PPARGC1A: variants seen among roughly 807,000 people sequenced by gnomAD.
The protein encoded by PPARGC1A is PPARG coactivator 1 alpha.
In PPARGC1A, 25 loss-of-function variants were observed where a neutral mutation model predicts 88.7. That is an observed-to-expected ratio of 0.28 (90% CI 0.21 to 0.39). The LOEUF (loss-of-function observed/expected upper bound fraction) is 0.39. Among genes scored for constraint, PPARGC1A ranks in the 10% least tolerant of loss-of-function variants. The pLI is 1.00. For missense variants in PPARGC1A, 880 were observed against 968.7 expected (o/e 0.91, Z 1.22); for synonymous variants, 363 against 355.6 (o/e 1.02, Z -0.24).
chr4:24,221,936 C>G, the PPARGC1A span, among the ~76,000 whole-genome samples: 1 of 152,118 alleles, frequency 6.6e-6, no homozygotes, highest in Non-Finnish European at 1.5e-5. Flanking sequence ...AGAAACATCC[C>G]AGATACTGCA....
At chr4:24,293,544 C>T in the PPARGC1A span, among the ~76,000 whole-genome samples, 3 of 75,688 alleles carry the variant, frequency 4.0e-5, no homozygotes, top group South Asian at 1.9e-3. Flanking sequence ...TGCCTGTGCT[C>T]CTCCTACCCC....
chr4:23,978,514 A>G, the PPARGC1A span, among the ~76,000 whole-genome samples: 3 of 152,172 alleles, frequency 2.0e-5, no homozygotes. Context: ...TCTTGCCCAC[A>G]TCATCTATGG....
the PPARGC1A span, among the ~76,000 whole-genome samples, chr4:24,140,046 TCAG>T: frequency 6.6e-6 from 1 of 152,122 alleles, no homozygotes; most frequent in African/African-American, 2.4e-5. Flanking sequence ...ATGCCCACCA[TCAG>T]CCCTACCATT....
chr4:24,448,014 C>T, the PPARGC1A span, among the ~76,000 whole-genome samples: 1 of 152,208 alleles, frequency 6.6e-6, no homozygotes, highest in Non-Finnish European at 1.5e-5. Flanking sequence ...GCAGTGCACC[C>T]TTCTCATCTA....
chr4:23,967,812 G>A, the PPARGC1A span, among the ~76,000 whole-genome samples: 1 of 152,144 alleles, frequency 6.6e-6, no homozygotes, highest in Non-Finnish European at 1.5e-5. Flanking sequence ...CCTGCTGAAG[G>A]TTATCGACAC....
intron 10 of PPARGC1A, among the ~76,000 whole-genome samples, chr4:23,807,739 GTGTGTGTGTGTGTGTA>G (rs1720078215): frequency 6.6e-6 from 1 of 150,632 alleles, no homozygotes; most frequent in African/African-American, 2.5e-5. Context: ...TTTCTTTTGT[GTGTGTGTGTGTGTGTA>G]TGTGTGTGTG....
chr4:24,072,267 GTTAT>G, the PPARGC1A span, among the ~76,000 whole-genome samples: 2 of 150,884 alleles, frequency 1.3e-5, no homozygotes, highest in African/African-American at 2.4e-5. Context: ...CCATTTAAAT[GTTAT>G]TTAATTAAAG....
At chr4:24,388,824 TG>T in the PPARGC1A span, among the ~76,000 whole-genome samples, 1 of 138,558 alleles carries the variant, frequency 7.2e-6, no homozygotes, top group Non-Finnish European at 1.6e-5. Context: ...TGTTGGAGGG[TG>T]GGGGGCTAGG....
chr4:23,912,902 C>A, the PPARGC1A span, among the ~76,000 whole-genome samples: 2 of 151,522 alleles, frequency 1.3e-5, no homozygotes, highest in South Asian at 4.2e-4. Flanking sequence ...CATTCTCCTG[C>A]CTCAGCCTCC....
chr4:24,254,561 A>G, the PPARGC1A span, among the ~76,000 whole-genome samples: 1 of 152,196 alleles, frequency 6.6e-6, no homozygotes, highest in Non-Finnish European at 1.5e-5. Context: ...TTTGGGGGAC[A>G]TCCTGCTTAA....
the PPARGC1A span, among the ~76,000 whole-genome samples, chr4:24,380,469 G>C: frequency 5.9e-5 from 9 of 152,222 alleles, no homozygotes; most frequent in African/African-American, 1.9e-4. Flanking sequence ...CTGTAGGAAA[G>C]AGTCCAGCCT....
At chr4:24,451,393 C>T in the PPARGC1A span, among the ~76,000 whole-genome samples, 1 of 152,178 alleles carries the variant, frequency 6.6e-6, no homozygotes, top group East Asian at 1.9e-4. Flanking sequence ...ACAAGCACGA[C>T]CCTAATGGCA....
At chr4:23,929,218 A>T in the PPARGC1A span, among the ~76,000 whole-genome samples, 3 of 152,348 alleles carry the variant, frequency 2.0e-5, no homozygotes, top group East Asian at 3.9e-4. Flanking sequence ...AGGTCAACCC[A>T]GGGAGGTACA....
chr4:23,878,681 G>A (rs933164805), intron 2 of PPARGC1A, among the ~76,000 whole-genome samples: 3 of 151,712 alleles, frequency 2.0e-5, no homozygotes, highest in Admixed American at 6.6e-5. Flanking sequence ...ACACACAAAC[G>A]AACAACACTA....
chr4:24,034,701 A>G, the PPARGC1A span, among the ~76,000 whole-genome samples: 1 of 152,190 alleles, frequency 6.6e-6, no homozygotes, highest in African/African-American at 2.4e-5. Context: ...CTCCATTTTT[A>G]CATGCTAGAT....
At chr4:23,954,719 G>A in the PPARGC1A span, among the ~76,000 whole-genome samples, 1 of 151,848 alleles carries the variant, frequency 6.6e-6, no homozygotes, top group African/African-American at 2.4e-5. Context: ...TTTCATATTC[G>A]GGGCAATATT....
the PPARGC1A span, among the ~76,000 whole-genome samples, chr4:24,244,482 G>T: frequency 6.6e-6 from 1 of 152,138 alleles, no homozygotes; most frequent in East Asian, 1.9e-4. Context: ...TAACTACCTT[G>T]CCCAAAGTCA....
chr4:24,462,620 G>T, the PPARGC1A span, among the ~76,000 whole-genome samples: 1 of 151,754 alleles, frequency 6.6e-6, no homozygotes, highest in Non-Finnish European at 1.5e-5. Flanking sequence ...CCACCTCATA[G>T]GGTAATTTGA....
the PPARGC1A span, among the ~76,000 whole-genome samples, chr4:24,166,875 T>C: frequency 6.6e-6 from 1 of 152,222 alleles, no homozygotes; most frequent in East Asian, 1.9e-4. Flanking sequence ...CTGATATAAA[T>C]ATACAATGCT....
Sources: gnomAD v4.1 joint callset for allele counts (sites outside exome capture counted in the v4.1 genomes callset) on GRCh38, gnomAD v4.1.1 for gene constraint, MANE v1.5 for transcripts, NCBI Gene and HGNC (gene_info 2026-07-23, HGNC 2026-07-21) for gene names.